The following HYAL4 variants were observed in gnomAD, a reference collection of about 807,000 sequenced individuals.
HYAL4 encodes the protein hyaluronidase-4.
In HYAL4, 37 loss-of-function variants were observed where a neutral mutation model predicts 35.2. The observed-to-expected ratio is 1.05, with a 90% CI of 0.81 to 1.38. The LOEUF is 1.38. Ranked by LOEUF, HYAL4 falls within the 40% of genes most tolerant of loss-of-function variation. The pLI is 0.00. For missense variants in HYAL4, 572 were observed against 572.4 expected, an observed-to-expected ratio of 1.00 and a Z score of 0.01; for synonymous variants, 198 against 203.2, an observed-to-expected ratio of 0.97 and a Z score of 0.22.
At chr7:123,782,776 C>G in the HYAL4 span, among the ~76,000 whole-genome samples, 1 of 152,110 alleles carries the variant, frequency 6.6e-6, no homozygotes, top group Admixed American at 6.5e-5. Context: ...CATGTACTCG[C>G]TTCTGAGAAG....
chr7:123,786,128 A>T, the HYAL4 span, among the ~76,000 whole-genome samples: 1 of 152,202 alleles, frequency 6.6e-6, no homozygotes, highest in East Asian at 1.9e-4. Flanking sequence ...TTAAAATTTT[A>T]ATCTCTGAAT....
rs532897017 is a variant in HYAL4 at position 123,868,918 on chromosome 7, G to T, written c.645G>T (p.Trp215Cys). Residue 215 changes from tryptophan to cysteine, a missense_variant, in exon 3 of 5, where the codon TGG (tryptophan) becomes TGT (cysteine). Coordinates refer to ENST00000223026, the MANE Select transcript of HYAL4 (RefSeq NM_012269.3). ...TTAAGAGCCGACCCAAAGGCCTTTG[G>T]GGTTATTATTTATATCCTGATTGCC... ...LGIKSRPKGL[W>C]GYYLYPDCHN... 4 of 1,613,962 alleles carry T rather than the reference G, an allele frequency of 2.5e-6. No homozygotes were observed. In the African/African-American group the frequency reaches 4.0e-5, roughly 16 times the overall value.
chr7:123,849,325 C>T (rs1451000495), intron 2 of HYAL4, among the ~76,000 whole-genome samples: 1 of 151,782 alleles, frequency 6.6e-6, no homozygotes, highest in African/African-American at 2.4e-5. Flanking sequence ...CTCTTTGAGA[C>T]AGGGTCTCTC....
chr7:123,776,342 G>C, the HYAL4 span, among the ~76,000 whole-genome samples: 10 of 152,316 alleles, frequency 6.6e-5, no homozygotes, highest in South Asian at 4.1e-4. Context: ...GCGACATGCT[G>C]TCTCTTTCTT....
the HYAL4 span, among the ~76,000 whole-genome samples, chr7:123,789,518 T>C: frequency 6.6e-6 from 1 of 152,176 alleles, no homozygotes; most frequent in East Asian, 1.9e-4. Flanking sequence ...CCTGCTTGGG[T>C]ATATAAAATG....
the HYAL4 span, among the ~76,000 whole-genome samples, chr7:123,821,122 C>T: frequency 1.3e-5 from 2 of 152,278 alleles, no homozygotes; most frequent in Non-Finnish European, 2.9e-5. Context: ...GGAATGCAGA[C>T]ACCTCTTTGA....
chr7:123,768,504 C>A, the HYAL4 span, among the ~76,000 whole-genome samples: 1 of 152,160 alleles, frequency 6.6e-6, no homozygotes, highest in African/African-American at 2.4e-5. Flanking sequence ...TCGATTCATC[C>A]TCAGACTCAG....
intron 2 of HYAL4, among the ~76,000 whole-genome samples, chr7:123,849,323 G>C (rs1197083312): frequency 6.6e-6 from 1 of 151,300 alleles, no homozygotes; most frequent in East Asian, 2.0e-4. Context: ...CTCTCTTTGA[G>C]ACAGGGTCTC....
chr7:123,870,577 G>A (rs1387585530), intron 3 of HYAL4, among the ~76,000 whole-genome samples: 1 of 151,944 alleles, frequency 6.6e-6, no homozygotes, highest in Non-Finnish European at 1.5e-5. Context: ...GCCTGACCAA[G>A]ATAGTGAAAC....
the HYAL4 span, among the ~76,000 whole-genome samples, chr7:123,807,432 G>GTTTTTTTTTTTTT: frequency 1.6e-4 from 19 of 120,772 alleles, no homozygotes; most frequent in African/African-American, 3.7e-4. Context: ...ACTTTTTATG[G>GTTTTTTTTTTTTT]TTTTTTTTTT....
the HYAL4 span, among the ~76,000 whole-genome samples, chr7:123,811,894 T>A: frequency 6.6e-6 from 1 of 152,002 alleles, no homozygotes; most frequent in Non-Finnish European, 1.5e-5. Flanking sequence ...CAGGCTGGAG[T>A]GCGGTGGCAC....
intron 1 of HYAL4, among the ~76,000 whole-genome samples, chr7:123,839,576 G>T (rs569675800): frequency 1.4e-4 from 22 of 152,284 alleles, no homozygotes; most frequent in African/African-American, 4.8e-4. Context: ...TTCCACAATG[G>T]TTGAACTAAT....
At chr7:123,842,237 C>T (rs1380276120), upstream of HYAL4, among the ~76,000 whole-genome samples, 1 of 151,928 alleles carries the variant, frequency 6.6e-6, no homozygotes, top group East Asian at 1.9e-4. Context: ...TTTATTCCTG[C>T]CTTCATTTTG....
chr7:123,875,549 C>T (rs967163594), intron 4 of HYAL4, among the ~76,000 whole-genome samples: 2 of 149,842 alleles, frequency 1.3e-5, no homozygotes, highest in Non-Finnish European at 3.0e-5. Flanking sequence ...CCCAGCTGCT[C>T]GGGAGGCTGA....
the HYAL4 span, among the ~76,000 whole-genome samples, chr7:123,787,304 C>T: frequency 4.6e-5 from 7 of 151,742 alleles, no homozygotes; most frequent in African/African-American, 1.7e-4. Flanking sequence ...GATTCTTTTA[C>T]ATTTTAAATT....
chr7:123,777,802 G>A, the HYAL4 span, among the ~76,000 whole-genome samples: 2 of 152,014 alleles, frequency 1.3e-5, no homozygotes, highest in African/African-American at 2.4e-5. Context: ...TTCAGAAAAT[G>A]TGCTAATGAA....
At chr7:123,857,793 T>C (rs1004958871) in intron 2 of HYAL4, among the ~76,000 whole-genome samples, 7 of 151,926 alleles carry the variant, frequency 4.6e-5, no homozygotes, top group Non-Finnish European at 7.4e-5. Flanking sequence ...TATTTAAACC[T>C]GGTAATGATC....
the HYAL4 span, among the ~76,000 whole-genome samples, chr7:123,791,012 G>A: frequency 3.3e-5 from 5 of 152,034 alleles, no homozygotes; most frequent in African/African-American, 7.3e-5. Context: ...TGATCCACCC[G>A]CCTCGGCCTC....
the HYAL4 span, among the ~76,000 whole-genome samples, chr7:123,764,425 T>C: frequency 6.6e-6 from 1 of 152,214 alleles, no homozygotes; most frequent in East Asian, 1.9e-4. Context: ...TACTTATCTG[T>C]CCCCTCATTT....
Sources: gnomAD v4.1 joint callset for allele counts (sites outside exome capture counted in the v4.1 genomes callset) on GRCh38, gnomAD v4.1.1 for gene constraint, MANE v1.5 for transcripts, NCBI Gene and HGNC (gene_info 2026-07-23, HGNC 2026-07-21) for gene names.